The following RTN1 variants were observed in gnomAD, a reference collection of about 807,000 sequenced individuals.
The protein encoded by RTN1 is reticulon-1.
Under a neutral mutation model 65.5 loss-of-function variants are expected in RTN1, and 25 were observed. That is an observed-to-expected ratio of 0.38 (90% CI 0.28 to 0.53). The LOEUF (loss-of-function observed/expected upper bound fraction) is 0.53. Among genes scored for constraint, RTN1 ranks in the 20% least tolerant of loss-of-function variants. The pLI is 0.79. For synonymous variants in RTN1, 471 were observed against 447.6 expected (o/e 1.05, Z -0.66); for missense variants, 983 against 1,025.4 (o/e 0.96, Z 0.57).
rs1270206154 is a variant in RTN1, at chr14:59,794,387, A to G, written c.242-47906T>C. On this transcript the variant is annotated intron_variant, in intron 1 of 8. Transcript: ENST00000267484. This position sits in a 1 kb window ranked among gnomAD's most constrained non-coding sequence, Gnocchi z 5.1. Reference sequence around the variant, plus strand: ...GCATCACAAACTTGAAAGTATTCTAAGCCACTGGATCAAATCACCTCCAAA... The same window carrying G: ...GCATCACAAACTTGAAAGTATTCTAGGCCACTGGATCAAATCACCTCCAAA... Among the ~76,000 whole-genome samples the G allele has an allele frequency of 6.6e-6, 1 of 152,200 alleles. No homozygotes were observed. Among genetic ancestry groups the G allele is most frequent in the Non-Finnish European group, 1.5e-5 (1 of 68,044 alleles).
intron 2 of RTN1, among the ~76,000 whole-genome samples, chr14:59,739,846 C>T (rs967079159): frequency 2.6e-5 from 4 of 152,124 alleles, no homozygotes; most frequent in Admixed American, 2.0e-4. Context: ...GATGGTTCTT[C>T]CCTTCTGAGG....
intron 2 of RTN1, among the ~76,000 whole-genome samples, chr14:59,743,012 T>G (rs1176090559): frequency 6.6e-6 from 1 of 152,228 alleles, no homozygotes; most frequent in East Asian, 1.9e-4. Flanking sequence ...GTGGGATGTA[T>G]ATGGAGAGAG....
In RTN1 at chr14:59,746,290, T is replaced by C. The variant is rs577908026; in HGVS notation, c.433A>G (p.Thr145Ala). ...TISESPEELG[T>A]PGPSLPDVPG... The stretch of plus-strand genomic sequence containing the variant: ...ACATCTGGTAAGGAGGGGCCGGGTG[T>C]ACCCAGCTCCTCAGGGCTCTCTGAA... Residue 145 changes from threonine to alanine, a missense_variant, in exon 2 of 9, where the codon ACA becomes GCA. Thr to Ala is a moderately conservative substitution (Grantham distance 58). This residue lies in a region of RTN1 where 818 missense variants were observed against 801.8 expected (regional missense o/e 1.02). Transcript: ENST00000267484. The C allele has an allele frequency of 5.1e-5, 83 of 1,613,880 alleles. 2 individuals are homozygous for C. In the South Asian group the frequency reaches 8.0e-4, roughly 16 times the overall value.
intron 3 of RTN1, among the ~76,000 whole-genome samples, chr14:59,694,024 C>A (rs1475692445): frequency 6.6e-6 from 1 of 152,178 alleles, no homozygotes; most frequent in South Asian, 2.1e-4. Context: ...ACCTCAACCT[C>A]AATTTGGTTT....
At chr14:59,732,870 C>T (rs917885623) in intron 2 of RTN1, among the ~76,000 whole-genome samples, 2 of 152,182 alleles carry the variant, frequency 1.3e-5, no homozygotes, top group Non-Finnish European at 2.9e-5. Context: ...GGCCCACTGG[C>T]TCGGAATTTC....
At chr14:59,859,636 CAGA>C (rs1477799205) in intron 1 of RTN1, among the ~76,000 whole-genome samples, 1 of 152,136 alleles carries the variant, frequency 6.6e-6, no homozygotes, top group Admixed American at 6.5e-5. Context: ...TTGGAGGACT[CAGA>C]AGAAGACAGA....
chr14:59,657,273 G>T lies in RTN1; in HGVS notation c.1766-49781C>A, dbSNP rs971987915. Reference sequence around the variant, plus strand: ...AAAATACAAAAATTAGCTGGGCATGGTGGCACATGCCTGTAATCACAGCTA... The same window carrying T: ...AAAATACAAAAATTAGCTGGGCATGTTGGCACATGCCTGTAATCACAGCTA... On this transcript the variant is annotated intron_variant, in intron 3 of 8. Coordinates refer to ENST00000267484, the MANE Select transcript of RTN1 (RefSeq NM_021136.3). 1.4e-4 allele frequency among the ~76,000 whole-genome samples: 22 copies of T among 152,280 alleles called. No homozygotes were observed. In the East Asian group the frequency reaches 4.3e-3, roughly 29 times the overall value.
At chr14:59,744,834 G>T (rs913236796) in intron 2 of RTN1, among the ~76,000 whole-genome samples, 1 of 152,162 alleles carries the variant, frequency 6.6e-6, no homozygotes. Context: ...AGTCTACAGA[G>T]AACAGCCAGT....
intron 3 of RTN1, among the ~76,000 whole-genome samples, chr14:59,715,755 G>A (rs1346651988): frequency 6.6e-6 from 1 of 151,830 alleles, no homozygotes; most frequent in Non-Finnish European, 1.5e-5. Context: ...GAACCTGGGT[G>A]GTGGAGGTTG....
intron 1 of RTN1, among the ~76,000 whole-genome samples, chr14:59,762,439 T>C (rs988766755): frequency 1.3e-5 from 2 of 152,182 alleles, no homozygotes; most frequent in Admixed American, 1.3e-4. Flanking sequence ...ACTCATATTA[T>C]TGATGAGGAA....
At chr14:59,656,419 G>T (rs2140203319) in intron 3 of RTN1, among the ~76,000 whole-genome samples, 1 of 152,340 alleles carries the variant, frequency 6.6e-6, no homozygotes, top group Admixed American at 6.5e-5. Context: ...CCTCCTCCAG[G>T]TGGCTGCAGT....
At chr14:59,635,006 A>T (rs566494345) in intron 3 of RTN1, among the ~76,000 whole-genome samples, 1 of 152,344 alleles carries the variant, frequency 6.6e-6, no homozygotes, top group South Asian at 2.1e-4. Flanking sequence ...CGGGAACTTG[A>T]ATAATTTATC....
chr14:59,753,295 GA>G (rs1885569331), intron 1 of RTN1, among the ~76,000 whole-genome samples: 1 of 152,126 alleles, frequency 6.6e-6, no homozygotes, highest in Non-Finnish European at 1.5e-5. Flanking sequence ...GTCTTGCTCA[GA>G]AAACCCAGTA....
At chr14:59,687,811 T>C (rs1036667297) in intron 3 of RTN1, among the ~76,000 whole-genome samples, 1 of 151,670 alleles carries the variant, frequency 6.6e-6, no homozygotes, top group African/African-American at 2.4e-5. Flanking sequence ...CTCCAAGCAT[T>C]TGGAGCACCT....
rs1237584395 is a variant in RTN1, at chr14:59,600,264, T to C, written c.2288+2801A>G. Among the ~76,000 whole-genome samples the C allele has an allele frequency of 3.3e-5, 5 of 152,010 alleles. No homozygotes were observed. The East Asian group carries it at 7.7e-4, about 23-fold the overall frequency. On this transcript the variant is annotated intron_variant, in intron 8 of 8. Transcript: ENST00000267484. ...AACCGATCTCTAAGCAGTAATCGGA[T>C]GATGATGATGATGATGACAATGATA...
rs1459057632 is a variant in RTN1, at chr14:59,803,086, A to G, written c.242-56605T>C. Among the ~76,000 whole-genome samples the G allele has an allele frequency of 3.3e-5, 5 of 152,212 alleles. No homozygotes were observed. The highest frequency in any genetic ancestry group is 1.2e-4 in the African/African-American group (5 of 41,464). ...GCCATTTGCACTGGGATAAGCACAC[A>G]GGCCATGCAGAAAACCGCTGTCTAT... On this transcript the variant is annotated intron_variant, in intron 1 of 8. Transcript: ENST00000267484. This position sits in a 1 kb window ranked among gnomAD's most constrained non-coding sequence, Gnocchi z 5.6.
chr14:59,734,594 G>T (rs1389397013), intron 2 of RTN1, among the ~76,000 whole-genome samples: 1 of 152,164 alleles, frequency 6.6e-6, no homozygotes, highest in Non-Finnish European at 1.5e-5. Flanking sequence ...ATGCAATCAT[G>T]AGTATTAATA....
intron 1 of RTN1, among the ~76,000 whole-genome samples, chr14:59,861,714 T>G (rs1366459724): frequency 1.3e-5 from 2 of 152,230 alleles, no homozygotes; most frequent in Non-Finnish European, 2.9e-5. Flanking sequence ...TAGTCCTAAT[T>G]TTGCTCTGTG....
chr14:59,679,577 A>G (rs1048288571), intron 3 of RTN1, among the ~76,000 whole-genome samples: 1 of 152,196 alleles, frequency 6.6e-6, no homozygotes, highest in African/African-American at 2.4e-5. Context: ...AGAGTACAAA[A>G]CAGGTGTTAT....
Sources: gnomAD v4.1 joint callset for allele counts (sites outside exome capture counted in the v4.1 genomes callset) on GRCh38, gnomAD v4.1.1 for gene constraint, gnomAD v4.1.1 regional missense constraint, Gnocchi (gnomAD v3.1) non-coding constraint, MANE v1.5 for transcripts, NCBI Gene and HGNC (gene_info 2026-07-23, HGNC 2026-07-21) for gene names.